Variants in TM2D1 observed in about 807,000 individuals in gnomAD.
TM2D1 encodes TM2 domain-containing protein 1.
In TM2D1, 15 loss-of-function variants were observed where a neutral mutation model predicts 28.4. The observed-to-expected ratio is 0.53, with a 90% confidence interval of 0.35 to 0.81. The LOEUF is 0.81. Ranked by LOEUF, TM2D1 falls within the 40% of genes least tolerant of loss-of-function variation. TM2D1 has a pLI of 0.01. For missense variants in TM2D1, 236 were observed against 254.9 expected, an observed-to-expected ratio of 0.93 and a Z score of 0.50; for synonymous variants, 93 against 96.2, an observed-to-expected ratio of 0.97 and a Z score of 0.20.
At chr1:61,694,450 T>C in intron 5 of TM2D1, 1 of 308,836 alleles carries the variant, frequency 3.2e-6, no homozygotes, top group South Asian at 1.3e-4. Flanking sequence ...TTACAAATCA[T>C]ATTTGAGCAC....
chr1:61,684,301 A>G (rs1032364775), intron 5 of TM2D1, among the ~76,000 whole-genome samples: 1 of 152,204 alleles, frequency 6.6e-6, no homozygotes, highest in East Asian at 1.9e-4. Flanking sequence ...CAATCCTGAG[A>G]GCTTAATTCC....
chr1:61,700,985 A>C lies in TM2D1; in HGVS notation c.388T>G (p.Phe130Val), dbSNP rs765911500. Residue 130 changes from phenylalanine (F) to valine (V), a missense_variant, in exon 4 of 7, where the codon TTT (phenylalanine) becomes GTT (valine). Phe to Val is a conservative substitution (Grantham distance 50). Around this residue, in one of 3 missense-constraint regions of TM2D1, gnomAD observed 5 missense variants for 19.0 expected, o/e 0.26. Transcript: ENST00000606498. Reference sequence around the variant, plus strand: ...CGATCTGCTCCCAACCATCCAAGAAAAAGAGACAATGCGACTGCCACTTTG... The same window carrying C: ...CGATCTGCTCCCAACCATCCAAGAACAAGAGACAATGCGACTGCCACTTTG... ...SYKVAVALSL[F>V]LGWLGADRFY... 2.5e-6 allele frequency: 4 copies of C among 1,612,658 alleles called. No individual in the cohort carries two copies. In the East Asian group the frequency reaches 8.9e-5, roughly 36 times the overall value.
At chr1:61,715,008 GAC>G (rs1644506447) in intron 2 of TM2D1, among the ~76,000 whole-genome samples, 1 of 152,180 alleles carries the variant, frequency 6.6e-6, no homozygotes, top group African/African-American at 2.4e-5. Flanking sequence ...ACTCAGGAAA[GAC>G]ACCATAGTGG....
intron 4 of TM2D1, among the ~76,000 whole-genome samples, chr1:61,695,607 C>T (rs1252228232): frequency 6.6e-6 from 1 of 152,112 alleles, no homozygotes; most frequent in Non-Finnish European, 1.5e-5. Context: ...ATATCAACTA[C>T]AAATAGATGC....
At chr1:61,709,114 G>A (rs993028104) in intron 3 of TM2D1, among the ~76,000 whole-genome samples, 3 of 152,090 alleles carry the variant, frequency 2.0e-5, no homozygotes, top group East Asian at 1.9e-4. Context: ...GAAGTGAGCC[G>A]TGATCATGCC....
chr1:61,705,648 T>C (rs1557533767), intron 3 of TM2D1, among the ~76,000 whole-genome samples: 1 of 152,200 alleles, frequency 6.6e-6, no homozygotes, highest in Admixed American at 6.5e-5. Context: ...TTCCCTCTCC[T>C]CTTTCCCATC....
At chr1:61,689,480 C>G (rs992339208) in intron 5 of TM2D1, among the ~76,000 whole-genome samples, 2 of 152,042 alleles carry the variant, frequency 1.3e-5, no homozygotes, top group Non-Finnish European at 2.9e-5. Context: ...AGTGATCCTC[C>G]AACCTCAGCC....
chr1:61,710,151 G>C (rs1298886741), intron 2 of TM2D1, among the ~76,000 whole-genome samples: 17 of 152,086 alleles, frequency 1.1e-4, no homozygotes, highest in Non-Finnish European at 1.5e-5. Flanking sequence ...GGTAAAAATA[G>C]TACCAAAGGG....
intron 3 of TM2D1, among the ~76,000 whole-genome samples, chr1:61,705,124 A>T (rs184393522): frequency 6.6e-6 from 1 of 152,322 alleles, no homozygotes; most frequent in Admixed American, 6.5e-5. Context: ...TTAGAAAAGC[A>T]ATTATCTATG....
intron 6 of TM2D1, among the ~76,000 whole-genome samples, chr1:61,682,638 G>A (rs1324453373): frequency 1.3e-5 from 2 of 151,988 alleles, no homozygotes; most frequent in Non-Finnish European, 2.9e-5. Flanking sequence ...AGTGGCTCAC[G>A]CCTGTAATTC....
rs773538588 is a variant in TM2D1, at chr1:61,723,726, G to A, written c.225C>T (p.Asn75=). 1.9e-6 allele frequency: 3 copies of A among 1,550,370 alleles called. No homozygotes were observed. Among genetic ancestry groups the A allele is most frequent in the African/African-American group, 1.4e-5 (1 of 73,660 alleles). ...DATQEPVNCT[N]YTAHVSCFPA... ...TTGAAGTCTTACCATGAGCTGTGTA[G>A]TTTGTACAGTTAACTGGTTCTTGCG... The change falls in exon 2 of 7, where the codon AAC becomes AAT. Residue 75 remains asparagine, a synonymous_variant. Transcript: ENST00000606498.
chr1:61,717,227 G>A (rs560946974), intron 2 of TM2D1, among the ~76,000 whole-genome samples: 150 of 152,020 alleles, frequency 9.9e-4, no homozygotes, highest in African/African-American at 3.4e-3. Context: ...AATTAGCCGG[G>A]CGTGGTGGCG....
At chr1:61,710,503 T>TACACACAC (rs4020071) in intron 2 of TM2D1, among the ~76,000 whole-genome samples, 1 of 126,634 alleles carries the variant, frequency 7.9e-6, no homozygotes, top group Admixed American at 8.8e-5. Flanking sequence ...TATACACACA[T>TACACACAC]ACACACACAC....
chr1:61,685,941 A>T (rs1644282135), intron 5 of TM2D1, among the ~76,000 whole-genome samples: 1 of 152,188 alleles, frequency 6.6e-6, no homozygotes, highest in African/African-American at 2.4e-5. Context: ...TGAGCCCAGG[A>T]GTTCAAGGTT....
intron 1 of TM2D1, chr1:61,724,529 T>C (rs17122698): frequency 0.039 from 6,401 of 163,116 alleles, 455 homozygotes; most frequent in African/African-American, 0.14. Context: ...ATAAAGTTAA[T>C]GATAAATGGG....
intron 2 of TM2D1, among the ~76,000 whole-genome samples, chr1:61,719,409 C>CAGAGAGAGAGAGAG (rs59016152): frequency 6.7e-6 from 1 of 149,224 alleles, no homozygotes; most frequent in African/African-American, 2.4e-5. Context: ...AGTATATACA[C>CAGAGAGAGAGAGAG]AGAGAGAGAG....
intron 2 of TM2D1, among the ~76,000 whole-genome samples, chr1:61,717,979 A>C (rs947457765): frequency 1.3e-5 from 2 of 152,150 alleles, no homozygotes; most frequent in African/African-American, 4.8e-5. Context: ...GCACCACTGC[A>C]CTTCAGCCTG....
intron 3 of TM2D1, among the ~76,000 whole-genome samples, chr1:61,704,943 G>A (rs12130439): frequency 0.18 from 26,834 of 151,970 alleles, 2,989 homozygotes; most frequent in Non-Finnish European, 0.25. Flanking sequence ...ATAGCCAAAT[G>A]CTGCAGAAAG....
chr1:61,717,696 A>G (rs1398733265), intron 2 of TM2D1, among the ~76,000 whole-genome samples: 1 of 152,054 alleles, frequency 6.6e-6, no homozygotes, highest in African/African-American at 2.4e-5. Context: ...GCCTCAGACT[A>G]CCAAATAGCC....
Sources: gnomAD v4.1 joint callset for allele counts (sites outside exome capture counted in the v4.1 genomes callset) on GRCh38, gnomAD v4.1.1 for gene constraint, gnomAD v4.1.1 regional missense constraint, MANE v1.5 for transcripts, NCBI Gene and HGNC (gene_info 2026-07-23, HGNC 2026-07-21) for gene names.